Variants in TMTC2 observed in about 807,000 individuals in gnomAD.
The protein encoded by TMTC2 is transmembrane O-mannosyltransferase targeting cadherins 2.
In TMTC2, 43 loss-of-function variants were observed where a neutral mutation model predicts 82.4. That is an observed-to-expected ratio of 0.52 (90% CI 0.41 to 0.67). The LOEUF (loss-of-function observed/expected upper bound fraction) is 0.67. Ranked by LOEUF, TMTC2 falls within the 30% of genes least tolerant of loss-of-function variation. TMTC2 has a pLI of 0.00. For missense variants in TMTC2, 919 were observed against 1,012.4 expected (o/e 0.91, Z 1.25); for synonymous variants, 408 against 381.9 (o/e 1.07, Z -0.80).
chr12:82,872,935 T>C (rs1455349261), intron 2 of TMTC2, among the ~76,000 whole-genome samples: 1 of 152,176 alleles, frequency 6.6e-6, no homozygotes, highest in East Asian at 1.9e-4. Flanking sequence ...CACTTCACAA[T>C]AAGAAAGACT....
At chr12:82,757,990 T>C (rs1379240198) in intron 1 of TMTC2, among the ~76,000 whole-genome samples, 3 of 152,176 alleles carry the variant, frequency 2.0e-5, no homozygotes, top group Non-Finnish European at 4.4e-5. Context: ...TTGACTATTT[T>C]TGGCAGAAAC....
intron 7 of TMTC2, among the ~76,000 whole-genome samples, chr12:82,968,866 C>G (rs1490926327): frequency 6.6e-6 from 1 of 152,070 alleles, no homozygotes; most frequent in African/African-American, 2.4e-5. Flanking sequence ...GTTGCTTTGT[C>G]CAGACTCTGA....
intron 8 of TMTC2, among the ~76,000 whole-genome samples, chr12:83,020,528 T>G (rs1880869801): frequency 6.6e-6 from 1 of 152,226 alleles, no homozygotes; most frequent in Admixed American, 6.5e-5. Flanking sequence ...AAACATAATT[T>G]CTACTTGCTT....
At chr12:83,055,850 A>G (rs1024506779) in intron 10 of TMTC2, among the ~76,000 whole-genome samples, 1 of 151,944 alleles carries the variant, frequency 6.6e-6, no homozygotes, top group African/African-American at 2.4e-5. Context: ...GTTACCTCTG[A>G]GTGTACATCT....
intron 1 of TMTC2, among the ~76,000 whole-genome samples, chr12:82,768,202 C>T (rs536884049): frequency 3.4e-4 from 52 of 152,282 alleles, no homozygotes; most frequent in African/African-American, 1.2e-3. Flanking sequence ...GATGGAGCTG[C>T]CCAGAATCCA....
intron 2 of TMTC2, among the ~76,000 whole-genome samples, chr12:82,875,797 C>A (rs888174962): frequency 4.0e-5 from 6 of 149,742 alleles, no homozygotes; most frequent in Admixed American, 1.3e-4. Flanking sequence ...TTTTTTTAAT[C>A]CTCTTTTTTC....
chr12:83,009,436 T>A (rs1211773623), intron 8 of TMTC2, among the ~76,000 whole-genome samples: 1 of 151,984 alleles, frequency 6.6e-6, no homozygotes, highest in African/African-American at 2.4e-5. Context: ...GATTTTTGGC[T>A]CGATTTGCTT....
rs200729312 is a variant in TMTC2, at chr12:83,069,777, G to GT, written c.2331+7956dup. Among the ~76,000 whole-genome samples, 1,224 of 146,512 alleles carry GT rather than the reference G, an allele frequency of 8.4e-3. 15 individuals carry two copies. The highest frequency in any genetic ancestry group is 0.027 in the African/African-American group (1,066 of 40,034). On this transcript the variant is annotated intron_variant, in intron 11 of 11. Transcript: ENST00000321196. ...GGTCATGAAATCCTTGCCTAGAAGG[G>GT]TTTTTTTTTTCAATATTATCTTTTA...
chr12:82,940,766 T>TTA (rs1555199516), intron 4 of TMTC2, among the ~76,000 whole-genome samples: 3 of 151,600 alleles, frequency 2.0e-5, no homozygotes, highest in Non-Finnish European at 4.4e-5. Flanking sequence ...TCCTTTTTTT[T>TTA]CTCAGCTTAA....
chr12:83,000,152 T>C (rs1312063417), intron 8 of TMTC2, among the ~76,000 whole-genome samples: 2 of 147,100 alleles, frequency 1.4e-5, no homozygotes, highest in Non-Finnish European at 3.0e-5. Flanking sequence ...TTTTTTTTTT[T>C]GAGGCAGATT....
At chr12:83,098,757 C>T (rs772385529) in intron 11 of TMTC2, among the ~76,000 whole-genome samples, 2 of 152,186 alleles carry the variant, frequency 1.3e-5, no homozygotes, top group Non-Finnish European at 2.9e-5. Context: ...TACATCCTGA[C>T]GTCCCAGCAT....
intron 1 of TMTC2, among the ~76,000 whole-genome samples, chr12:82,846,470 A>G (rs1410837638): frequency 6.6e-6 from 1 of 152,034 alleles, no homozygotes; most frequent in Admixed American, 6.6e-5. Context: ...AATCTCCAAC[A>G]TCTTGGGGGC....
At chr12:83,124,524 A>G (rs553855214) in intron 11 of TMTC2, among the ~76,000 whole-genome samples, 9 of 152,228 alleles carry the variant, frequency 5.9e-5, no homozygotes, top group African/African-American at 2.2e-4. Flanking sequence ...CACTATGGGA[A>G]CATAAAGAAG....
intron 3 of TMTC2, among the ~76,000 whole-genome samples, chr12:82,929,206 A>C (rs1289444051): frequency 6.6e-6 from 1 of 151,872 alleles, no homozygotes; most frequent in East Asian, 1.9e-4. Flanking sequence ...ATGACATCTA[A>C]CACGCCAAGC....
chr12:82,774,359 G>A (rs745584018), intron 1 of TMTC2, among the ~76,000 whole-genome samples: 7 of 152,060 alleles, frequency 4.6e-5, no homozygotes, highest in African/African-American at 1.4e-4. Flanking sequence ...GGTGGCTCAC[G>A]CCTATAATCC....
intron 11 of TMTC2, among the ~76,000 whole-genome samples, chr12:83,094,799 C>T (rs573055857): frequency 6.6e-6 from 1 of 152,144 alleles, no homozygotes; most frequent in Admixed American, 6.5e-5. Flanking sequence ...GGTTCTGGTA[C>T]TAGTTATTTA....
At chr12:82,697,403 G>C (rs572731916) in intron 1 of TMTC2, among the ~76,000 whole-genome samples, 2 of 150,360 alleles carry the variant, frequency 1.3e-5, no homozygotes, top group Admixed American at 1.3e-4. Flanking sequence ...CCCACGTACA[G>C]CAGATGCTGC....
intron 1 of TMTC2, among the ~76,000 whole-genome samples, chr12:82,838,930 T>C (rs1444662527): frequency 6.6e-6 from 1 of 152,192 alleles, no homozygotes; most frequent in Non-Finnish European, 1.5e-5. Context: ...GTCCAAGCCA[T>C]TTATGATGCC....
intron 8 of TMTC2, among the ~76,000 whole-genome samples, chr12:83,016,278 GA>G (rs1243925443): frequency 1.3e-5 from 2 of 152,122 alleles, no homozygotes; most frequent in African/African-American, 2.4e-5. Flanking sequence ...ATCTTCTAAA[GA>G]GAAATTTTAA....
Sources: gnomAD v4.1 joint callset for allele counts (sites outside exome capture counted in the v4.1 genomes callset) on GRCh38, gnomAD v4.1.1 for gene constraint, MANE v1.5 for transcripts, NCBI Gene and HGNC (gene_info 2026-07-23, HGNC 2026-07-21) for gene names.